ITGA11: variants seen among roughly 807,000 people sequenced by gnomAD.
ITGA11 encodes integrin alpha-11.
Under a neutral mutation model 141.9 loss-of-function variants are expected in ITGA11, and 97 were observed. The observed-to-expected ratio is 0.68, with a 90% CI of 0.58 to 0.81. ITGA11 has a LOEUF of 0.81. Among genes scored for constraint, ITGA11 ranks in the 30% least tolerant of loss-of-function variants. ITGA11 has a pLI of 0.00. For missense variants in ITGA11, 1,387 were observed against 1,559.2 expected (o/e 0.89, Z 1.86); for synonymous variants, 658 against 624.6 (o/e 1.05, Z -0.80).
At chr15:68,313,721 C>T in intron 23 of ITGA11, 58 bp downstream of exon 23, 3 of 1,372,668 alleles carry the variant, frequency 2.2e-6, no homozygotes. Flanking sequence ...CCCCTTAGGC[C>T]TCCCTCCTCC....
In ITGA11 at chr15:68,301,356, G is replaced by A. The variant is rs1019805908; in HGVS notation, c.*1703C>T. On this transcript the variant is annotated 3_prime_UTR_variant, in exon 30 of 30. Transcript: ENST00000315757. This position sits in a 1 kb window ranked among gnomAD's most constrained non-coding sequence, Gnocchi z 4.4. ...CTTGGCTGATGTCAGAGTGTAAGAC[G>A]GTTAACAATGAAACCGGCCTGGAGA... 2 of 152,288 alleles carry A rather than the reference G, an allele frequency of 1.3e-5. No individual in the cohort carries two copies. The highest frequency in any genetic ancestry group is 6.5e-5 in the Admixed American group (1 of 15,284). The allele number at this position is 152,288 out of a possible 1,614,324, so 9.4% of individuals were successfully genotyped here.
chr15:68,377,664 G>A (rs547498790), intron 2 of ITGA11, among the ~76,000 whole-genome samples: 14 of 152,318 alleles, frequency 9.2e-5, no homozygotes, highest in African/African-American at 3.4e-4. Context: ...CAATCTAGAG[G>A]ACATCCAGAA....
At chr15:68,344,641 A>G (rs1894687475) in intron 10 of ITGA11, among the ~76,000 whole-genome samples, 2 of 151,858 alleles carry the variant, frequency 1.3e-5, no homozygotes, top group South Asian at 4.2e-4. Context: ...GAGAAAGAGG[A>G]CTACAAATAA....
chr15:68,329,932 AC>A (rs1454651483), intron 15 of ITGA11, among the ~76,000 whole-genome samples: 2 of 152,186 alleles, frequency 1.3e-5, no homozygotes, highest in African/African-American at 4.8e-5. Flanking sequence ...TCTGGCCATG[AC>A]AAATGAGGGA....
chr15:68,340,637 A>G (rs979172625), intron 10 of ITGA11, among the ~76,000 whole-genome samples: 6 of 152,108 alleles, frequency 3.9e-5, no homozygotes, highest in African/African-American at 1.4e-4. Context: ...TTGCAGGACA[A>G]GGGGAAGCTG....
chr15:68,347,205 C>T (rs1163150512), intron 10 of ITGA11, among the ~76,000 whole-genome samples: 2 of 152,196 alleles, frequency 1.3e-5, no homozygotes, highest in Non-Finnish European at 2.9e-5. Context: ...TGAATGGATG[C>T]TCTCACCTCG....
chr15:68,313,046 C>T (rs1893447759), intron 23 of ITGA11, among the ~76,000 whole-genome samples, 183 bp from the exon 24 acceptor site: 2 of 152,238 alleles, frequency 1.3e-5, no homozygotes, highest in African/African-American at 4.8e-5. Flanking sequence ...GGAATCAGCG[C>T]TGCCATGGGT....
intron 20 of ITGA11, among the ~76,000 whole-genome samples, chr15:68,319,374 G>A (rs1417452943): frequency 6.6e-6 from 1 of 152,272 alleles, no homozygotes; most frequent in African/African-American, 2.4e-5. Context: ...GACGCCGTGA[G>A]TAGGCAATAT....
At position 68,314,018 on chromosome 15, in the gene ITGA11, C is replaced by T. The variant is rs868079589; in HGVS notation, c.2793-150G>A. 7 of 637,890 alleles carry T rather than the reference C, an allele frequency of 1.1e-5. No individual in the cohort carries two copies. In the Middle Eastern group the frequency reaches 1.8e-3, roughly 168 times the overall value. The allele number at this position is 637,890 out of a possible 1,614,324, so 39.5% of individuals were successfully genotyped here. ...CCAGACAGGGAACCTGAGGCATCTC[C>T]TAGGAGAGGAAGGGCCAGAAGCAGG... On this transcript the variant is annotated intron_variant, in intron 22 of 29. Transcript: ENST00000315757.
Position 68,358,451 on chromosome 15 carries a change from T to C in ITGA11, c.600+7A>G, listed in dbSNP as rs1230875047. The C allele has an allele frequency of 6.2e-7, 1 of 1,604,476 alleles. No homozygotes were observed. The highest frequency in any genetic ancestry group is 8.5e-7 in the Non-Finnish European group (1 of 1,175,308). On this transcript the variant is annotated splice_region_variant and intron_variant, in intron 6 of 29. Coordinates refer to ENST00000315757, the MANE Select transcript of ITGA11 (RefSeq NM_001004439.2). ...TCAGAAGTGGAAAGAGCCCAAGAGA[T>C]GCTCACCTGGATCTGCCCTGGGCCA...
chr15:68,364,748 C>A lies in ITGA11; in HGVS notation c.316G>T (p.Gly106Cys). ...VSERKDNMRL[G>C]LSLATNPKDN... ...TTGGGGTTGGTGGCGAGACTAAGGC[C>A]GAGGCGCATGTTGTCTTTCCGCTCG... Residue 106 changes from glycine to cysteine, a missense_variant, in exon 4 of 30, where the codon GGC becomes TGC. By Grantham distance (159) the Gly-to-Cys change is radical (BLOSUM62 -3). Coordinates refer to ENST00000315757, the MANE Select transcript of ITGA11 (RefSeq NM_001004439.2). 4 of 1,613,826 alleles carry A rather than the reference C, an allele frequency of 2.5e-6. No homozygotes were observed. Among genetic ancestry groups the A allele is most frequent in the Non-Finnish European group, 3.4e-6 (4 of 1,179,858 alleles).
chr15:68,327,462 C>T (rs1364645571), intron 16 of ITGA11, among the ~76,000 whole-genome samples: 2 of 152,248 alleles, frequency 1.3e-5, no homozygotes, highest in Non-Finnish European at 2.9e-5. Flanking sequence ...TCCTCATCTT[C>T]CCTTTGGTCT....
rs754501065 is a variant in ITGA11 at position 68,322,964 on chromosome 15, T to C, written c.2323-1461A>G. 2.0e-5 allele frequency among the ~76,000 whole-genome samples: 3 copies of C among 151,952 alleles called. No individual in the cohort carries two copies. Among genetic ancestry groups the C allele is most frequent in the African/African-American group, 7.3e-5 (3 of 41,338 alleles). On this transcript the variant is annotated intron_variant, in intron 18 of 29. Transcript: ENST00000315757. The surrounding 1 kb of genome is among the most constrained non-coding windows in gnomAD (Gnocchi z 5.6). ...CAGGGCGAGGACCTCAGCAGGCAGA[T>C]GGATATTCAAGCCTGGAGCTGAGGG... is the stretch of plus-strand genomic sequence containing the variant.
At chr15:68,369,540 G>A (rs1275422492) in intron 2 of ITGA11, among the ~76,000 whole-genome samples, 1 of 152,222 alleles carries the variant, frequency 6.6e-6, no homozygotes, top group Non-Finnish European at 1.5e-5. Flanking sequence ...AAGACCACAT[G>A]GGCTCTGCAA....
intron 2 of ITGA11, 109 bp from the exon 3 acceptor site, chr15:68,369,393 A>AGG: frequency 1.5e-5 from 2 of 133,056 alleles, no homozygotes; most frequent in South Asian, 7.9e-5. Flanking sequence ...GGAGGGTGGG[A>AGG]GGGAACCCTG....
At chr15:68,357,880 C>T (rs1895119080) in intron 6 of ITGA11, among the ~76,000 whole-genome samples, 1 of 152,204 alleles carries the variant, frequency 6.6e-6, no homozygotes, top group Admixed American at 6.5e-5. Context: ...AAAAGATGAT[C>T]TTCTGGTGAT....
chr15:68,428,849 C>G lies in ITGA11; in HGVS notation c.52+3166G>C, dbSNP rs149841669. 9.8e-3 allele frequency among the ~76,000 whole-genome samples: 1,497 copies of G among 152,212 alleles called. 25 individuals are homozygous for G. The highest frequency in any genetic ancestry group is 0.034 in the African/African-American group (1,394 of 41,524). ...GAGCATACTGACTTCAAGACAGCCC[C>G]GATGGTAAACAAACAAACAAAACAA... On this transcript the variant is annotated intron_variant, in intron 1 of 29. Transcript: ENST00000315757.
At chr15:68,317,494 C>T (rs1008619650) in intron 20 of ITGA11, 131 bp from the exon 21 acceptor site, 16 of 694,334 alleles carry the variant, frequency 2.3e-5, no homozygotes, top group Non-Finnish European at 4.2e-5. Context: ...ATATGAAAGC[C>T]TGGACCACAG....
chr15:68,430,356 G>T (rs781067290), intron 1 of ITGA11, among the ~76,000 whole-genome samples: 1 of 152,178 alleles, frequency 6.6e-6, no homozygotes, highest in Non-Finnish European at 1.5e-5. Context: ...TACAGGACAC[G>T]GAATTTGTGT....
Sources: allele counts gnomAD v4.1 joint callset (sites outside exome capture counted in the v4.1 genomes callset), GRCh38; gene constraint gnomAD v4.1.1; non-coding constraint Gnocchi (gnomAD v3.1); transcripts MANE v1.5; gene names NCBI Gene and HGNC (gene_info 2026-07-23, HGNC 2026-07-21).